NUP214: variants seen among roughly 807,000 people sequenced by gnomAD.
The protein encoded by NUP214 is nucleoporin 214.
A neutral mutation model predicts 196.2 loss-of-function variants in NUP214; 79 were observed. That is an observed-to-expected ratio of 0.40 (90% CI 0.34 to 0.49). The LOEUF (loss-of-function observed/expected upper bound fraction) is 0.49, where lower values mean the gene tolerates loss of function less well. Among genes scored for constraint, NUP214 ranks in the 20% least tolerant of loss-of-function variants. NUP214 has a pLI of 0.58. For missense variants in NUP214, 2,468 were observed against 2,539.0 expected, an observed-to-expected ratio of 0.97 and a Z score of 0.60; for synonymous variants, 1,020 against 990.5, an observed-to-expected ratio of 1.03 and a Z score of -0.56.
intron 30 of NUP214, among the ~76,000 whole-genome samples, chr9:131,203,159 A>G (rs555444197): frequency 6.6e-6 from 1 of 151,144 alleles, no homozygotes; most frequent in African/African-American, 2.4e-5. Context: ...GTTAGCCAGG[A>G]TGGTCTCGAT....
intron 24 of NUP214, among the ~76,000 whole-genome samples, chr9:131,184,943 T>A (rs1833410583): frequency 6.6e-6 from 1 of 152,238 alleles, no homozygotes; most frequent in Non-Finnish European, 1.5e-5. Context: ...TCAGTTACTC[T>A]TGATAAGTTC....
Position 131,198,327 on chromosome 9 carries a change from A to T in NUP214, c.4833A>T (p.Thr1611=), listed in dbSNP as rs1833850887. 1 of 1,614,202 alleles carries T rather than the reference A, an allele frequency of 6.2e-7. No homozygotes were observed. The highest frequency in any genetic ancestry group is 1.3e-5 in the African/African-American group (1 of 75,060). Residue 1611 remains threonine (T), a synonymous_variant, in exon 29 of 36, where the codon ACA becomes ACT. Transcript: ENST00000359428. ...GTGCAGGCCCTGTGGCCGTCGAAAC[A>T]TCAAGTACCCCCATAGCCTCCAGCA... ...ISSAGPVAVE[T]SSTPIASSTT... is the part of the protein sequence containing the mutation.
chr9:131,187,261 C>T (rs1588153669), intron 24 of NUP214, 28 bp from the exon 25 acceptor site: 1 of 1,600,760 alleles, frequency 6.2e-7, no homozygotes, highest in South Asian at 1.1e-5. Context: ...ATGCCTTTCT[C>T]TGAGTGTATG....
intron 21 of NUP214, among the ~76,000 whole-genome samples, chr9:131,171,709 G>A (rs572760424): frequency 9.9e-5 from 15 of 151,510 alleles, no homozygotes; most frequent in Admixed American, 3.3e-4. Context: ...CCTCCTCCCC[G>A]CACCCCACAA....
chr9:131,148,893 TTAAGTA>T (rs1247383531), intron 14 of NUP214, among the ~76,000 whole-genome samples: 13 of 152,328 alleles, frequency 8.5e-5, no homozygotes, highest in Admixed American at 4.6e-4. Flanking sequence ...TTTAATATAA[TTAAGTA>T]TATCAGTTTT....
chr9:131,139,503 T>A, intron 10 of NUP214, 96 bp downstream of exon 10: 3 of 1,530,866 alleles, frequency 2.0e-6, no homozygotes, highest in Non-Finnish European at 2.6e-6. Flanking sequence ...GAGTCTACTC[T>A]GCTGGGCACT....
intron 16 of NUP214, 38 bp from the exon 17 acceptor site, chr9:131,151,698 C>T (rs373651621): frequency 1.4e-5 from 21 of 1,552,168 alleles, no homozygotes; most frequent in Non-Finnish European, 4.4e-6. Context: ...TTGGACGTAA[C>T]AACTTTTTGT....
In NUP214 at chr9:131,198,467, A is replaced by G; in HGVS notation, c.4973A>G (p.Asn1658Ser). Residue 1658 changes from asparagine to serine, a missense_variant, in exon 29 of 36, where the codon AAC becomes AGC. Around this residue, in one of 5 missense-constraint regions of NUP214, gnomAD observed 1,801 missense variants for 1,779.4 expected, o/e 1.01. Transcript: ENST00000359428. ...PPAASSSSAF[N>S]QLTNNTATAP... ...GCTGCCAGTTCTAGCTCAGCTTTCA[A>G]CCAGCTCACCAACAACACAGCCACT... 1 of 1,614,094 alleles carries G rather than the reference A, an allele frequency of 6.2e-7. No homozygotes were observed. Among genetic ancestry groups the G allele is most frequent in the South Asian group, 1.1e-5 (1 of 91,084 alleles).
At chr9:131,161,175 T>A (rs1832621160) in intron 18 of NUP214, among the ~76,000 whole-genome samples, 1 of 152,190 alleles carries the variant, frequency 6.6e-6, no homozygotes, top group Admixed American at 6.5e-5. Flanking sequence ...TTCAAATTCT[T>A]AAATCTGTAC....
chr9:131,184,350 T>C (rs1833389264), intron 24 of NUP214, among the ~76,000 whole-genome samples: 1 of 148,914 alleles, frequency 6.7e-6, no homozygotes, highest in Non-Finnish European at 1.5e-5. Context: ...TTTTTTTTTT[T>C]TGAGATGGAG....
chr9:131,229,998 T>C, intron 33 of NUP214: 1 of 336,584 alleles, frequency 3.0e-6, no homozygotes, highest in South Asian at 2.2e-5. Context: ...CTGCAAACAA[T>C]TCAAGGGGCT....
In NUP214 at chr9:131,174,207, G is replaced by A. The variant is rs777544999; in HGVS notation, c.3046G>A (p.Ala1016Thr). ...DEAVVQAPRH[A>T]PVVRTPSIQP... Reference sequence around the variant, plus strand: ...GGCAGTGGTTCAGGCCCCTCGGCACGCCCCCGTGGTTCGCACTCCTTCCAT... The same window carrying A: ...GGCAGTGGTTCAGGCCCCTCGGCACACCCCCGTGGTTCGCACTCCTTCCAT... The change falls in exon 22 of 36, where the codon GCC (alanine) becomes ACC (threonine). Residue 1016 changes from alanine (A) to threonine (T), a missense_variant. Ala to Thr is a moderately conservative substitution (Grantham distance 58). This residue lies in a region of NUP214 where 1,801 missense variants were observed against 1,779.4 expected (regional missense o/e 1.01). Transcript: ENST00000359428. 3.7e-6 allele frequency: 6 copies of A among 1,613,626 alleles called. No individual in the cohort carries two copies. Among genetic ancestry groups the A allele is most frequent in the East Asian group, 2.2e-5 (1 of 44,864 alleles).
Position 131,230,665 on chromosome 9 carries a change from C to T in NUP214, c.6110C>T (p.Thr2037Met), listed in dbSNP as rs200915453. The T allele has an allele frequency of 1.5e-5, 24 of 1,614,130 alleles. No individual in the cohort carries two copies. Among genetic ancestry groups the T allele is most frequent in the Non-Finnish European group, 1.9e-5 (22 of 1,180,012 alleles). ...GSSSNTTSFG[T>M]LASQNAPTFG... The stretch of plus-strand genomic sequence containing the variant: ...AGCAGCAACACCACATCCTTCGGCA[C>T]GCTCGCGAGTCAGAATGCCCCCACT... The change falls in exon 34 of 36, where the codon ACG becomes ATG. Residue 2037 changes from threonine to methionine, a missense_variant. By Grantham distance (81) the Thr-to-Met change is moderately conservative. Coordinates refer to ENST00000359428, the MANE Select transcript of NUP214 (RefSeq NM_005085.4).
chr9:131,136,535 C>A (rs2315077), intron 9 of NUP214: 37,996 of 152,378 alleles, frequency 0.25, 4,851 homozygotes, highest in East Asian at 0.42. Flanking sequence ...GATGTGTAGG[C>A]GGCTTTTTCT....
intron 14 of NUP214, 163 bp from the exon 15 acceptor site, chr9:131,150,159 GAA>G (rs2133512498): frequency 1.6e-6 from 1 of 626,080 alleles, no homozygotes; most frequent in East Asian, 2.8e-5. Context: ...GCACTGTCTA[GAA>G]CATGCCTTAC....
rs58363837 is a variant in NUP214, at chr9:131,128,416, C to T, written c.326C>T (p.Ala109Val). ...ALSCDNLTLS[A>V]CMMSSEYGSI... is the part of the protein sequence containing the mutation. ...AGCTGTGATAACCTCACACTCTCTG[C>T]GTGCATGATGTCCAGTGAATATGGT... The change falls in exon 3 of 36, where the codon GCG (alanine) becomes GTG (valine). Residue 109 changes from alanine (A) to valine (V), a missense_variant. This residue lies in a region of NUP214 where 392 missense variants were observed against 417.9 expected (regional missense o/e 0.94). Transcript: ENST00000359428. 1.4e-3 allele frequency: 2,315 copies of T among 1,613,618 alleles called. 29 individuals are homozygous for T. The African/African-American group carries it at 0.026, about 18-fold the overall frequency.
At chr9:131,215,463 A>G in intron 31 of NUP214, 95 bp downstream of exon 31, 2 of 1,292,838 alleles carry the variant, frequency 1.5e-6, no homozygotes, top group Non-Finnish European at 2.0e-6. Flanking sequence ...TATAAAAAGA[A>G]AAAAAAATCT....
chr9:131,209,414 G>A (rs896914829), intron 30 of NUP214, among the ~76,000 whole-genome samples: 13 of 152,084 alleles, frequency 8.5e-5, no homozygotes, highest in African/African-American at 1.7e-4. Flanking sequence ...ATTTAGAGAC[G>A]GAGTCTTGCT....
chr9:131,178,523 AGGTT>A (rs1833178860), intron 24 of NUP214, 113 bp downstream of exon 24: 3 of 708,984 alleles, frequency 4.2e-6, no homozygotes, highest in Admixed American at 5.0e-5. Flanking sequence ...GCACCGCCTT[AGGTT>A]ATAAGGGGGG....
Sources: allele counts gnomAD v4.1 joint callset (sites outside exome capture counted in the v4.1 genomes callset), GRCh38; gene constraint gnomAD v4.1.1; regional missense constraint gnomAD v4.1.1; transcripts MANE v1.5; gene names NCBI Gene and HGNC (gene_info 2026-07-23, HGNC 2026-07-21).